CDK13: variants seen among roughly 807,000 people sequenced by gnomAD.
The protein encoded by CDK13 is cyclin-dependent kinase 13.
Under a neutral mutation model 137.6 loss-of-function variants are expected in CDK13, and 40 were observed. That is an observed-to-expected ratio of 0.29 (90% CI 0.23 to 0.38). The LOEUF (loss-of-function observed/expected upper bound fraction) is 0.38, where lower values mean the gene tolerates loss of function less well. Among genes scored for constraint, CDK13 ranks in the 10% least tolerant of loss-of-function variants. The pLI is 1.00. For missense variants in CDK13, 1,704 were observed against 1,951.8 expected (o/e 0.87, Z 2.39); for synonymous variants, 869 against 760.1 (o/e 1.14, Z -2.36).
Position 40,095,919 on chromosome 7 carries a change from A to T in CDK13, c.*939A>T, listed in dbSNP as rs1019270682. 2.0e-5 allele frequency: 3 copies of T among 152,204 alleles called. No homozygotes were observed. The highest frequency in any genetic ancestry group is 4.4e-5 in the Non-Finnish European group (3 of 68,030). 9.4% of individuals were successfully genotyped at this position (152,204 alleles called of 1,614,324 possible). ...GAGTGAGAGCAAAGAAAGGGAGTAG[A>T]ACTGCAATCAGTACATATTGTTTGA... On this transcript the variant is annotated 3_prime_UTR_variant, in exon 14 of 14. Coordinates refer to ENST00000181839, the MANE Select transcript of CDK13 (RefSeq NM_003718.5).
intron 1 of CDK13, among the ~76,000 whole-genome samples, chr7:39,971,613 C>T (rs905808050): frequency 2.8e-5 from 3 of 108,822 alleles, no homozygotes; most frequent in Non-Finnish European, 6.0e-5. Flanking sequence ...AAAAGAGGTC[C>T]AGGCTGGGTG....
In CDK13 at chr7:39,951,684, G is replaced by A. The variant is rs1306348016; in HGVS notation, c.1043G>A (p.Ser348Asn). 2 of 1,464,136 alleles carry A rather than the reference G, an allele frequency of 1.4e-6. No homozygotes were observed. Among genetic ancestry groups the A allele is most frequent in the Non-Finnish European group, 1.8e-6 (2 of 1,114,284 alleles). 90.7% of individuals were successfully genotyped at this position (1,464,136 alleles called of 1,614,324 possible). ...TCCCCCAGCCCGGCAGGAGGTGGCA[G>A]CAGCCCCTATTCTCGGCGGCTGCCG... ...RKSPSPAGGG[S>N]SPYSRRLPRS... The change falls in exon 1 of 14, where the codon AGC becomes AAC. Residue 348 changes from serine to asparagine, a missense_variant. This residue lies in a region of CDK13 where 1,051 missense variants were observed against 931.0 expected (regional missense o/e 1.13). Transcript: ENST00000181839.
chr7:39,977,086 T>A (rs1022516268), intron 1 of CDK13, among the ~76,000 whole-genome samples: 3 of 152,274 alleles, frequency 2.0e-5, no homozygotes, highest in African/African-American at 7.2e-5. Flanking sequence ...TTGTTTGGAT[T>A]TGGCTTCTTT....
chr7:40,063,019 T>A lies in CDK13; in HGVS notation c.2703-4T>A, dbSNP rs1209154029. The stretch of plus-strand genomic sequence containing the variant: ...TTGGTAATGACGGGTATTTTTTCCA[T>A]TAGCTGTATCCTTGGCGAACTCTTC... On this transcript the variant is annotated splice_polypyrimidine_tract_variant and splice_region_variant and intron_variant, in intron 8 of 13. Transcript: ENST00000181839. The A allele has an allele frequency of 6.2e-7, 1 of 1,613,244 alleles. No individual in the cohort carries two copies. The highest frequency in any genetic ancestry group is 1.3e-5 in the African/African-American group (1 of 74,916).
At chr7:39,983,397 A>C (rs1207856817) in intron 1 of CDK13, among the ~76,000 whole-genome samples, 1 of 152,208 alleles carries the variant, frequency 6.6e-6, no homozygotes, top group Non-Finnish European at 1.5e-5. Context: ...CTGGGATTAC[A>C]GGCGTGAGCA....
intron 1 of CDK13, among the ~76,000 whole-genome samples, chr7:39,963,297 C>A (rs1783792169): frequency 3.3e-5 from 5 of 152,146 alleles, no homozygotes. Context: ...TCTTTTATTT[C>A]ATTGAGCAGT....
Position 39,988,156 on chromosome 7 carries a change from G to C in CDK13, c.1769G>C (p.Ser590Thr), listed in dbSNP as rs1784380977. 1 of 1,613,928 alleles carries C rather than the reference G, an allele frequency of 6.2e-7. No individual in the cohort carries two copies. The highest frequency in any genetic ancestry group is 1.3e-5 in the African/African-American group (1 of 74,880). ...LKEKTKPLTP[S>T]IGAKEKEQHV... Reference sequence around the variant, plus strand: ...GAGAAAACCAAACCACTTACACCAAGCATAGGAGCCAAGGAGAAGGAGCAA... The same window carrying C: ...GAGAAAACCAAACCACTTACACCAACCATAGGAGCCAAGGAGAAGGAGCAA... The change falls in exon 2 of 14, where the codon AGC becomes ACC. Residue 590 changes from serine to threonine, a missense_variant. By Grantham distance (58) the Ser-to-Thr change is moderately conservative. This residue lies in a region of CDK13 where 1,051 missense variants were observed against 931.0 expected (regional missense o/e 1.13). Coordinates refer to ENST00000181839, the MANE Select transcript of CDK13 (RefSeq NM_003718.5).
At chr7:40,074,796 G>A (rs1207992181) in intron 9 of CDK13, among the ~76,000 whole-genome samples, 1 of 151,362 alleles carries the variant, frequency 6.6e-6, no homozygotes, top group Non-Finnish European at 1.5e-5. Flanking sequence ...CCTCCAGCCT[G>A]GGGTAGCAGT....
In CDK13 at chr7:40,094,586, C is replaced by G; in HGVS notation, c.4145C>G (p.Thr1382Ser). ...SDIQSLDNYS[T>S]ASSHSGGPPQ... ...ATTCAGTCTTTGGATAACTACAGTA[C>G]TGCTTCATCTCATTCTGGTGGTCCA... The change falls in exon 14 of 14, where the codon ACT (threonine) becomes AGT (serine). Residue 1382 changes from threonine to serine, a missense_variant. By Grantham distance (58) the Thr-to-Ser change is moderately conservative. Transcript: ENST00000181839. 1 of 1,613,254 alleles carries G rather than the reference C, an allele frequency of 6.2e-7. No individual in the cohort carries two copies.
intron 5 of CDK13, among the ~76,000 whole-genome samples, chr7:40,028,070 A>G (rs1785283750): frequency 6.6e-6 from 1 of 151,628 alleles, no homozygotes; most frequent in Non-Finnish European, 1.5e-5. Context: ...TGACATTCCA[A>G]GTAAATAAGT....
chr7:39,959,020 A>T (rs1787518989), intron 1 of CDK13, among the ~76,000 whole-genome samples: 1 of 152,062 alleles, frequency 6.6e-6, no homozygotes, highest in Non-Finnish European at 1.5e-5. Context: ...TGAACTCCTG[A>T]CCTCAAATGA....
intron 2 of CDK13, among the ~76,000 whole-genome samples, chr7:39,989,624 T>C (rs1214336349): frequency 6.6e-6 from 1 of 152,122 alleles, no homozygotes; most frequent in Admixed American, 6.5e-5. Flanking sequence ...CTATAATTGT[T>C]GTATTTGCAG....
intron 9 of CDK13, among the ~76,000 whole-genome samples, chr7:40,074,116 A>G (rs1441352357): frequency 1.3e-5 from 2 of 152,126 alleles, no homozygotes; most frequent in African/African-American, 4.8e-5. Context: ...TGCCGAGCCT[A>G]GTCTCAAACT....
At chr7:39,988,944 C>T (rs572815111) in intron 2 of CDK13, among the ~76,000 whole-genome samples, 18 of 151,668 alleles carry the variant, frequency 1.2e-4, no homozygotes, top group African/African-American at 4.1e-4. Flanking sequence ...CTTAGCTGGG[C>T]GCAGTGGCAG....
intron 2 of CDK13, among the ~76,000 whole-genome samples, chr7:39,989,593 G>A (rs1340372616): frequency 1.3e-5 from 2 of 151,878 alleles, no homozygotes; most frequent in African/African-American, 2.4e-5. Flanking sequence ...CAATTTAATC[G>A]GGTGTTATTT....
At chr7:39,986,819 A>G (rs924649620) in intron 1 of CDK13, 1 of 152,106 alleles carries the variant, frequency 6.6e-6, no homozygotes, top group Non-Finnish European at 1.5e-5. Context: ...GCTTATGTCT[A>G]TTTTAGTTAC....
intron 11 of CDK13, among the ~76,000 whole-genome samples, chr7:40,085,131 C>T (rs141829537): frequency 6.6e-6 from 1 of 152,266 alleles, no homozygotes; most frequent in Non-Finnish European, 1.5e-5. Context: ...GAGGCCAAGA[C>T]TGGCAGATCA....
At chr7:40,059,852 C>G (rs771270974) in intron 7 of CDK13, among the ~76,000 whole-genome samples, 1 of 152,172 alleles carries the variant, frequency 6.6e-6, no homozygotes, top group Admixed American at 6.5e-5. Context: ...TTTGAAATTA[C>G]ATCAGTGTTT....
chr7:40,017,511 C>T (rs1785027486), intron 5 of CDK13, among the ~76,000 whole-genome samples: 3 of 151,974 alleles, frequency 2.0e-5, no homozygotes, highest in South Asian at 4.2e-4. Flanking sequence ...ATACCTTTTT[C>T]CCTATTTGTG....
Sources: allele counts gnomAD v4.1 joint callset (sites outside exome capture counted in the v4.1 genomes callset), GRCh38; gene constraint gnomAD v4.1.1; regional missense constraint gnomAD v4.1.1; transcripts MANE v1.5; gene names NCBI Gene and HGNC (gene_info 2026-07-23, HGNC 2026-07-21).